CEP57L1: variants seen among roughly 807,000 people sequenced by gnomAD.
CEP57L1 encodes the protein centrosomal protein CEP57L1.
In CEP57L1, 37 loss-of-function variants were observed where a neutral mutation model predicts 61.0. The ratio of observed to expected loss-of-function variants is 0.61; its 90% CI spans 0.47 to 0.80. CEP57L1 has a LOEUF of 0.80. CEP57L1 is among the 30% of genes least tolerant of loss of function. The pLI, the probability that CEP57L1 is intolerant of heterozygous loss-of-function variation, is 0.00. For missense variants in CEP57L1, 422 were observed against 524.7 expected (o/e 0.80, Z 1.91); for synonymous variants, 137 against 162.3 (o/e 0.84, Z 1.19).
At chr6:109,140,960 A>G (rs183930246) in intron 1 of CEP57L1, among the ~76,000 whole-genome samples, 3,561 of 151,476 alleles carry the variant, frequency 0.024, 133 homozygotes, top group African/African-American at 0.081. Context: ...CCTCCTGAGT[A>G]GCTGGGACTA....
At chr6:109,110,168 C>T (rs1158582976) in intron 1 of CEP57L1, among the ~76,000 whole-genome samples, 4 of 152,158 alleles carry the variant, frequency 2.6e-5, no homozygotes, top group African/African-American at 4.8e-5. Context: ...AGAGTAGAAG[C>T]GTTTTTATTT....
At chr6:109,147,549 C>T (rs763299714) in intron 3 of CEP57L1, among the ~76,000 whole-genome samples, 11 of 152,060 alleles carry the variant, frequency 7.2e-5, no homozygotes, top group African/African-American at 2.4e-4. Flanking sequence ...AAACAAGGCT[C>T]AAGTTTGTGT....
intron 1 of CEP57L1, among the ~76,000 whole-genome samples, chr6:109,133,790 G>A (rs1256485691): frequency 1.3e-5 from 2 of 152,112 alleles, no homozygotes; most frequent in Non-Finnish European, 2.9e-5. Context: ...ACACCTCTAC[G>A]CAAATAAACT....
At chr6:109,120,380 T>C (rs1262452620) in intron 1 of CEP57L1, among the ~76,000 whole-genome samples, 6 of 152,214 alleles carry the variant, frequency 3.9e-5, no homozygotes, top group Non-Finnish European at 8.8e-5. Context: ...TGGCTGCCAG[T>C]TGATGCGTAT....
In CEP57L1 at chr6:109,163,361, C is replaced by T. The variant is rs571790813; in HGVS notation, c.*391C>T. 7.5e-5 allele frequency: 12 copies of T among 159,312 alleles called. No individual in the cohort carries two copies. The South Asian group carries it at 1.8e-3, about 24-fold the overall frequency. The allele number at this position is 159,312 out of a possible 1,614,324, so 9.9% of individuals were successfully genotyped here. A position where few individuals can be genotyped will look rare whatever the true frequency, so the allele number is the denominator to read the frequency against. The stretch of plus-strand genomic sequence containing the variant: ...ACCTTAAAAACCAATGTTCAATGAA[C>T]AGAGTTCAGAAAGATCATTTAGCTT... On this transcript the variant is annotated 3_prime_UTR_variant, in exon 11 of 11. Coordinates refer to ENST00000517392, the MANE Select transcript of CEP57L1 (RefSeq NM_001271852.3).
At chr6:109,111,420 G>A (rs1355391609) in intron 1 of CEP57L1, among the ~76,000 whole-genome samples, 3 of 152,116 alleles carry the variant, frequency 2.0e-5, no homozygotes, top group Admixed American at 2.0e-4. Context: ...AGGAGATTTT[G>A]GGCTGAGACG....
At chr6:109,157,720 A>G (rs1773345795) in intron 7 of CEP57L1, 1 of 152,236 alleles carries the variant, frequency 6.6e-6, no homozygotes, top group Non-Finnish European at 1.5e-5. Flanking sequence ...CTTGAATGCC[A>G]TGTTAAGAGT....
chr6:109,140,889 G>T (rs1269740990), intron 1 of CEP57L1, among the ~76,000 whole-genome samples: 1 of 151,852 alleles, frequency 6.6e-6, no homozygotes, highest in Non-Finnish European at 1.5e-5. Context: ...GGAGTGCAGC[G>T]GTGCGATCTC....
chr6:109,143,434 A>AT lies in CEP57L1; in HGVS notation c.-3-1784dup, dbSNP rs200164612. Among the ~76,000 whole-genome samples, 1,281 of 152,260 alleles carry AT rather than the reference A, an allele frequency of 8.4e-3. 21 individuals are homozygous for AT. The highest frequency in any genetic ancestry group is 0.029 in the African/African-American group (1,217 of 41,540). The stretch of plus-strand genomic sequence containing the variant: ...ACCAGATTATAAAGGTTAAGCTGAG[A>AT]TCCCATTACAATGAGAATCTCTGAG... On this transcript the variant is annotated intron_variant, in intron 1 of 10. Coordinates refer to ENST00000517392, the MANE Select transcript of CEP57L1 (RefSeq NM_001271852.3).
intron 1 of CEP57L1, among the ~76,000 whole-genome samples, chr6:109,113,678 G>A (rs1771942954): frequency 6.6e-6 from 1 of 152,170 alleles, no homozygotes; most frequent in East Asian, 1.9e-4. Context: ...TCCTGATTTT[G>A]GAGATGTTAA....
chr6:109,126,067 T>C (rs766610863), intron 1 of CEP57L1, among the ~76,000 whole-genome samples: 2 of 152,230 alleles, frequency 1.3e-5, no homozygotes, highest in Non-Finnish European at 2.9e-5. Flanking sequence ...GAAAAAGTTG[T>C]TGACCTAACA....
Position 109,164,756 on chromosome 6 carries a change from GA to G in CEP57L1, c.*1790del, listed in dbSNP as rs1338712720. On this transcript the variant is annotated 3_prime_UTR_variant, in exon 11 of 11. Coordinates refer to ENST00000517392, the MANE Select transcript of CEP57L1 (RefSeq NM_001271852.3). ...TAGTTATTAATAATTCATTACTTGT[GA>G]AAAGGTATTGCTTTAAAAATTATCA... Among the ~76,000 whole-genome samples, 1 of 152,026 alleles carries G rather than the reference GA, an allele frequency of 6.6e-6. No homozygotes were observed. The highest frequency in any genetic ancestry group is 1.5e-5 in the Non-Finnish European group (1 of 67,996).
chr6:109,124,343 T>C (rs1437843206), intron 1 of CEP57L1, among the ~76,000 whole-genome samples: 1 of 152,188 alleles, frequency 6.6e-6, no homozygotes, highest in Non-Finnish European at 1.5e-5. Context: ...CTATACGACT[T>C]TCCAGCTTTA....
chr6:109,146,982 T>G (rs981524692), intron 3 of CEP57L1, 45 bp downstream of exon 3: 2 of 1,511,822 alleles, frequency 1.3e-6, no homozygotes, highest in Non-Finnish European at 1.8e-6. Flanking sequence ...TACTGGAGTT[T>G]ACAGTTCAAA....
intron 7 of CEP57L1, chr6:109,157,589 G>C (rs1773333338): frequency 6.6e-6 from 1 of 152,150 alleles, no homozygotes; most frequent in Non-Finnish European, 1.5e-5. Context: ...ATGTGTTATA[G>C]TCTGAGGGAA....
chr6:109,126,797 T>C (rs1490380094), intron 1 of CEP57L1, among the ~76,000 whole-genome samples: 1 of 152,240 alleles, frequency 6.6e-6, no homozygotes, highest in African/African-American at 2.4e-5. Context: ...GAATTAACTG[T>C]GCACATGAAC....
At chr6:109,148,023 G>A (rs570361575) in intron 3 of CEP57L1, among the ~76,000 whole-genome samples, 1 of 152,276 alleles carries the variant, frequency 6.6e-6, no homozygotes, top group East Asian at 1.9e-4. Context: ...AGCTCTTGAT[G>A]AATTCACATA....
chr6:109,101,616 C>CTTTTCT (rs1782411816), intron 1 of CEP57L1, among the ~76,000 whole-genome samples: 1 of 126,526 alleles, frequency 7.9e-6, no homozygotes, highest in African/African-American at 2.8e-5. Context: ...TTTTCTTTTT[C>CTTTTCT]TTTTTTCTTT....
chr6:109,097,363 A>T (rs1017243170), intron 1 of CEP57L1, among the ~76,000 whole-genome samples: 1 of 152,148 alleles, frequency 6.6e-6, no homozygotes, highest in East Asian at 1.9e-4. Flanking sequence ...ATTTGATCAG[A>T]TTTTCTCTTG....
Sources: gnomAD v4.1 joint callset for allele counts (sites outside exome capture counted in the v4.1 genomes callset) on GRCh38, gnomAD v4.1.1 for gene constraint, MANE v1.5 for transcripts, NCBI Gene and HGNC (gene_info 2026-07-23, HGNC 2026-07-21) for gene names.